APLN: variants seen among roughly 807,000 people sequenced by gnomAD.
The protein encoded by APLN is apelin.
Under a neutral mutation model 4.3 loss-of-function variants are expected in APLN, and 2 were observed. That is an observed-to-expected ratio of 0.46 (90% CI 0.19 to 1.45). The LOEUF (loss-of-function observed/expected upper bound fraction) is 1.45, where lower values mean the gene tolerates loss of function less well. Ranked by LOEUF, APLN falls within the 40% of genes most tolerant of loss-of-function variation. The pLI is 0.25. For missense variants in APLN, 80 were observed against 70.0 expected (o/e 1.14, Z -0.51); for synonymous variants, 34 against 30.4 (o/e 1.12, Z -0.38).
Position 129,654,738 on chromosome X carries a change from G to C in APLN, c.-108C>G. On this transcript the variant is annotated 5_prime_UTR_variant, in exon 1 of 3. Coordinates refer to ENST00000429967, the MANE Select transcript of APLN (RefSeq NM_017413.5). ...GCCGCGGCTGGCGCGTGCGGGCGCA[G>C]AGCTCGGGAGGCTCCCCGGCCGCTG... The C allele has an allele frequency of 3.9e-6, 2 of 507,501 alleles. No individual in the cohort carries two copies. Among genetic ancestry groups the C allele is most frequent in the South Asian group, 2.0e-4 (2 of 10,235 alleles). 41.8% of individuals were successfully genotyped at this position (507,501 alleles called of 1,213,427 possible).
rs1399418507 is a variant in APLN at position 129,654,499 on chromosome X, G to A, written c.67+65C>T. The A allele has an allele frequency of 4.7e-6, 5 of 1,075,016 alleles. No individual in the cohort carries two copies. The African/African-American group carries it at 7.6e-5, about 16-fold the overall frequency. 88.6% of individuals were successfully genotyped at this position (1,075,016 alleles called of 1,213,427 possible). ...GCTCCCCGGGAGGCGGGGAGAGTGC[G>A]AATAGGGCGGAGGGAAAGGAGCACG... On this transcript the variant is annotated intron_variant, in intron 1 of 2. Transcript: ENST00000429967.
Position 129,654,738 on chromosome X carries a change from G to A in APLN, c.-108C>T. ...GCCGCGGCTGGCGCGTGCGGGCGCAGAGCTCGGGAGGCTCCCCGGCCGCTG... is the reference window on the plus strand; with the variant it reads ...GCCGCGGCTGGCGCGTGCGGGCGCAAAGCTCGGGAGGCTCCCCGGCCGCTG... On this transcript the variant is annotated 5_prime_UTR_variant, in exon 1 of 3. Coordinates refer to ENST00000429967, the MANE Select transcript of APLN (RefSeq NM_017413.5). 5.9e-6 allele frequency: 3 copies of A among 507,501 alleles called. No homozygotes were observed. Among genetic ancestry groups the A allele is most frequent in the Non-Finnish European group, 5.4e-6 (2 of 371,176 alleles). The allele number at this position is 507,501 out of a possible 1,213,427, so 41.8% of individuals were successfully genotyped here. A position where few individuals can be genotyped will look rare whatever the true frequency, so the allele number is the denominator to read the frequency against.
intron 1 of APLN, among the ~76,000 whole-genome samples, chrX:129,650,582 C>T (rs1228155056): frequency 8.9e-6 from 1 of 112,329 alleles, no homozygotes; most frequent in Non-Finnish European, 1.9e-5. Flanking sequence ...GGTTAACTAG[C>T]CACACTTCCG....
chrX:129,654,821 C>T lies in APLN; in HGVS notation c.-191G>A, dbSNP rs967835846. 146 of 214,004 alleles carry T rather than the reference C, an allele frequency of 6.8e-4. 1 individual carries two copies. The East Asian group carries it at 0.012, about 18-fold the overall frequency. The allele number at this position is 214,004 out of a possible 1,213,427, so 17.6% of individuals were successfully genotyped here. On this transcript the variant is annotated 5_prime_UTR_variant, in exon 1 of 3. Transcript: ENST00000429967. Reference sequence around the variant, plus strand: ...GCCGCCTCCGCTCTTCTGCAGCCTCCTCTCCCGCCGCGGGGCAGCGCCGCG... The same window carrying T: ...GCCGCCTCCGCTCTTCTGCAGCCTCTTCTCCCGCCGCGGGGCAGCGCCGCG...
At position 129,654,605 on chromosome X, in the gene APLN, G is replaced by A; in HGVS notation, c.26C>T (p.Ala9Val). The A allele has an allele frequency of 8.7e-7, 1 of 1,153,228 alleles. No homozygotes were observed. The highest frequency in any genetic ancestry group is 1.2e-6 in the Non-Finnish European group (1 of 868,655). The change falls in exon 1 of 3, where the codon GCG (alanine) becomes GTG (valine). Residue 9 changes from alanine (A) to valine (V), a missense_variant. Transcript: ENST00000429967. MNLRLCVQ[A>V]LLLLWLSLTA... is the part of the protein sequence containing the mutation. Reference sequence around the variant, plus strand: ...CAAGGAGAGCCAGAGCAGCAGGAGCGCCTGCACGCAGAGCCGCAGATTCAT... The same window carrying A: ...CAAGGAGAGCCAGAGCAGCAGGAGCACCTGCACGCAGAGCCGCAGATTCAT...
chrX:129,652,305 G>A (rs1936984016), intron 1 of APLN, among the ~76,000 whole-genome samples: 1 of 111,697 alleles, frequency 9.0e-6, no homozygotes, highest in Admixed American at 9.5e-5. Context: ...GCGGGGTGAT[G>A]AGAGGCAGCG....
Position 129,646,506 on chromosome X carries a change from G to A in APLN, c.*1417C>T. 8.9e-6 allele frequency: 1 copy of A among 112,381 alleles called. No homozygotes were observed. The highest frequency in any genetic ancestry group is 9.4e-5 in the Admixed American group (1 of 10,683). 9.3% of individuals were successfully genotyped at this position (112,381 alleles called of 1,213,427 possible). On this transcript the variant is annotated 3_prime_UTR_variant, in exon 3 of 3. Transcript: ENST00000429967. Reference sequence around the variant, plus strand: ...CTCCCATCTTTCTTTCCTTCCTTCTGTTCCTTTGCTTTCTTTTCTTCCCTC... The same window carrying A: ...CTCCCATCTTTCTTTCCTTCCTTCTATTCCTTTGCTTTCTTTTCTTCCCTC...
Position 129,654,653 on chromosome X carries a change from C to G in APLN, c.-23G>C, listed in dbSNP as rs1401652156. 5 of 1,083,621 alleles carry G rather than the reference C, an allele frequency of 4.6e-6. No homozygotes were observed. The highest frequency in any genetic ancestry group is 6.0e-6 in the Non-Finnish European group (5 of 834,983). 89.3% of individuals were successfully genotyped at this position (1,083,621 alleles called of 1,213,427 possible). ...CATGCTGCTCCTTGGGCCGCCGCGGCCCCGGCGAGCCGGCGCGGGGGAGGA... is the reference window on the plus strand; with the variant it reads ...CATGCTGCTCCTTGGGCCGCCGCGGGCCCGGCGAGCCGGCGCGGGGGAGGA... On this transcript the variant is annotated 5_prime_UTR_variant, in exon 1 of 3. Coordinates refer to ENST00000429967, the MANE Select transcript of APLN (RefSeq NM_017413.5).
At chrX:129,650,695 TCTGA>T (rs1414155056) in intron 1 of APLN, among the ~76,000 whole-genome samples, 2 of 112,153 alleles carry the variant, frequency 1.8e-5, no homozygotes, top group East Asian at 5.6e-4. Flanking sequence ...GCTGCTTCTG[TCTGA>T]CTGTCATAGA....
chrX:129,654,640 T>G lies in APLN; in HGVS notation c.-10A>C. 2 of 1,107,465 alleles carry G rather than the reference T, an allele frequency of 1.8e-6. No individual in the cohort carries two copies. The highest frequency in any genetic ancestry group is 2.4e-6 in the Non-Finnish European group (2 of 848,349). 91.3% of individuals were successfully genotyped at this position (1,107,465 alleles called of 1,213,427 possible). A position where few individuals can be genotyped will look rare whatever the true frequency, so the allele number is the denominator to read the frequency against. ...AGAGCCGCAGATTCATGCTGCTCCT[T>G]GGGCCGCCGCGGCCCCGGCGAGCCG... On this transcript the variant is annotated 5_prime_UTR_variant, in exon 1 of 3. Transcript: ENST00000429967.
intron 1 of APLN, among the ~76,000 whole-genome samples, chrX:129,652,639 G>A (rs966018018): frequency 8.9e-5 from 10 of 112,580 alleles, no homozygotes; most frequent in African/African-American, 2.9e-4. Flanking sequence ...TGAGGGCAAC[G>A]AATTTATCCA....
rs1459874534 is a variant in APLN at position 129,647,933 on chromosome X, T to C, written c.*6-16A>G. 2 of 979,432 alleles carry C rather than the reference T, an allele frequency of 2.0e-6. No homozygotes were observed. Among genetic ancestry groups the C allele is most frequent in the Non-Finnish European group, 2.6e-6 (2 of 755,001 alleles). The allele number at this position is 979,432 out of a possible 1,213,427, so 80.7% of individuals were successfully genotyped here. A position where few individuals can be genotyped will look rare whatever the true frequency, so the allele number is the denominator to read the frequency against. On this transcript the variant is annotated splice_polypyrimidine_tract_variant and intron_variant, in intron 2 of 2. Transcript: ENST00000429967. ...CCCTTCAGTCCTAAGGAGACAAAAA[T>C]GACAAGAGAGAAGTCATGGACATAT...
rs1242013310 is a variant in APLN at position 129,647,363 on chromosome X, C to T, written c.*560G>A. 1.3e-4 allele frequency: 32 copies of T among 237,714 alleles called. No individual in the cohort carries two copies. In the Admixed American group the frequency reaches 1.7e-3, roughly 13 times the overall value. The allele number at this position is 237,714 out of a possible 1,213,427, so 19.6% of individuals were successfully genotyped here. ...ATGCTCCACCCACTTCACCAGAGCT[C>T]CTGAAAACCACCCTGGCACTTCCAT... On this transcript the variant is annotated 3_prime_UTR_variant, in exon 3 of 3. Transcript: ENST00000429967.
rs1390814685 is a variant in APLN, at chrX:129,647,735, C to CATCCAA, written c.*182_*187dup. On this transcript the variant is annotated 3_prime_UTR_variant, in exon 3 of 3. Transcript: ENST00000429967. ...CGGATTCTTGTGAGAGAACGGGAAT[C>CATCCAA]ATCCAAACTACAGCCAGGAGCACGC... is the stretch of plus-strand genomic sequence containing the variant. The CATCCAA allele has an allele frequency of 1.0e-6, 1 of 982,949 alleles. No homozygotes were observed. The highest frequency in any genetic ancestry group is 7.5e-5 in the East Asian group (1 of 13,308). The allele number at this position is 982,949 out of a possible 1,213,427, so 81.0% of individuals were successfully genotyped here. A position where few individuals can be genotyped will look rare whatever the true frequency, so the allele number is the denominator to read the frequency against.
chrX:129,648,633 G>A lies in APLN; in HGVS notation c.227C>T (p.Pro76Leu), dbSNP rs1425431678. The A allele has an allele frequency of 8.3e-7, 1 of 1,206,967 alleles. No individual in the cohort carries two copies. Among genetic ancestry groups the A allele is most frequent in the Non-Finnish European group, 1.1e-6 (1 of 893,153 alleles). Reference sequence around the variant, plus strand: ...GAGGCTCAAGTACCTGCTTCAGAAAGGCATGGGTCCCTTATGGGAGAGGCG... The same window carrying A: ...GAGGCTCAAGTACCTGCTTCAGAAAAGCATGGGTCCCTTATGGGAGAGGCG... ...RPRLSHKGPM[P>L]F The change falls in exon 2 of 3, where the codon CCT becomes CTT. Residue 76 changes from proline (P) to leucine (L), a missense_variant. Pro to Leu is a moderately conservative substitution (Grantham distance 98, BLOSUM62 -3). Coordinates refer to ENST00000429967, the MANE Select transcript of APLN (RefSeq NM_017413.5).
At chrX:129,649,356 C>T (rs1323245510) in intron 1 of APLN, among the ~76,000 whole-genome samples, 1 of 111,583 alleles carries the variant, frequency 9.0e-6, no homozygotes, top group Non-Finnish European at 1.9e-5. Flanking sequence ...CTTTGATATG[C>T]AGGATGACCC....
chrX:129,651,747 C>A (rs890710154), intron 1 of APLN, among the ~76,000 whole-genome samples: 1 of 112,390 alleles, frequency 8.9e-6, no homozygotes, highest in Admixed American at 9.4e-5. Context: ...ACATGCCAGT[C>A]TCATCAGGAA....
In APLN at chrX:129,647,379, G is replaced by T; in HGVS notation, c.*544C>A. On this transcript the variant is annotated 3_prime_UTR_variant, in exon 3 of 3. Transcript: ENST00000429967. The stretch of plus-strand genomic sequence containing the variant: ...ACCAGAGCTCCTGAAAACCACCCTG[G>T]CACTTCCATGCCCCCAATGTGCCCT... 1 of 242,669 alleles carries T rather than the reference G, an allele frequency of 4.1e-6. No homozygotes were observed. Among genetic ancestry groups the T allele is most frequent in the Non-Finnish European group, 7.6e-6 (1 of 130,822 alleles). The allele number at this position is 242,669 out of a possible 1,213,427, so 20.0% of individuals were successfully genotyped here.
In APLN at chrX:129,654,657, G is replaced by A; in HGVS notation, c.-27C>T. 1 of 1,073,794 alleles carries A rather than the reference G, an allele frequency of 9.3e-7. No homozygotes were observed. Among genetic ancestry groups the A allele is most frequent in the Non-Finnish European group, 1.2e-6 (1 of 827,872 alleles). 88.5% of individuals were successfully genotyped at this position (1,073,794 alleles called of 1,213,427 possible). Reference sequence around the variant, plus strand: ...CTGCTCCTTGGGCCGCCGCGGCCCCGGCGAGCCGGCGCGGGGGAGGAGAGG... The same window carrying A: ...CTGCTCCTTGGGCCGCCGCGGCCCCAGCGAGCCGGCGCGGGGGAGGAGAGG... On this transcript the variant is annotated 5_prime_UTR_variant, in exon 1 of 3. Coordinates refer to ENST00000429967, the MANE Select transcript of APLN (RefSeq NM_017413.5).
Sources: gnomAD v4.1 joint callset for allele counts (sites outside exome capture counted in the v4.1 genomes callset) on GRCh38, gnomAD v4.1.1 for gene constraint, MANE v1.5 for transcripts, NCBI Gene and HGNC (gene_info 2026-07-23, HGNC 2026-07-21) for gene names.